The following GTPBP3 variants were observed in gnomAD, a reference collection of about 807,000 sequenced individuals.
GTPBP3 encodes the protein 5-taurinomethyluridine-[tRNA] synthase subunit GTPB3, mitochondrial.
GTPBP3 carries 35 observed loss-of-function variants against 42.0 expected under a neutral mutation model. That is an observed-to-expected ratio of 0.83 (90% CI 0.64 to 1.10). The LOEUF is 1.10. Ranked by LOEUF, GTPBP3 falls within the 50% of genes least tolerant of loss-of-function variation. The pLI, the probability that GTPBP3 is intolerant of heterozygous loss-of-function variation, is 0.00. For synonymous variants in GTPBP3, 332 were observed against 314.9 expected (o/e 1.05, Z -0.58); for missense variants, 691 against 685.2 (o/e 1.01, Z -0.09).
upstream of GTPBP3, chr19:17,336,797 TG>T (rs2074372433): frequency 6.6e-6 from 1 of 152,262 alleles, no homozygotes; most frequent in Non-Finnish European, 1.5e-5. Flanking sequence ...AGCCAGAGAC[TG>T]ACCGGACACT....
Position 17,338,560 on chromosome 19 carries a change from C to A in GTPBP3, c.410C>A (p.Pro137Gln). The change falls in exon 4 of 9, where the codon CCG becomes CAG. Residue 137 changes from proline to glutamine, a missense_variant. By Grantham distance (76) the Pro-to-Gln change is moderately conservative. Coordinates refer to ENST00000324894, the MANE Select transcript of GTPBP3 (RefSeq NM_032620.4). ...GCAGGCAGCGTGCCAGGGCTTCGAC[C>A]GGCGGAGGCAGGCGAGTTCACCAGA... ...QALGSVPGLR[P>Q]AEAGEFTRRA... 4 of 1,613,838 alleles carry A rather than the reference C, an allele frequency of 2.5e-6. No individual in the cohort carries two copies. The highest frequency in any genetic ancestry group is 1.7e-5 in the Admixed American group (1 of 60,004).
upstream of GTPBP3, chr19:17,336,897 G>A (rs1387359048): frequency 6.6e-6 from 1 of 152,298 alleles, no homozygotes; most frequent in Non-Finnish European, 1.5e-5. Flanking sequence ...GTTCCAGGAA[G>A]ACTTCCTGGA....
At chr19:17,340,897 C>T in intron 7 of GTPBP3, 147 bp from the exon 8 acceptor site, 10 of 788,280 alleles carry the variant, frequency 1.3e-5, no homozygotes, top group South Asian at 5.5e-5. Context: ...CAACATTCTG[C>T]CGGTCCCCTG....
Position 17,341,525 on chromosome 19 carries a change from A to T in GTPBP3, c.1301A>T (p.His434Leu), listed in dbSNP as rs749175397. Residue 434 changes from histidine (H) to leucine (L), a missense_variant, in exon 9 of 9, where the codon CAC becomes CTC. Physicochemically the swap from His to Leu is moderately conservative, Grantham distance 99. Transcript: ENST00000324894. ...TDPPLLTRAR[H>L]QHHLQGCLDA... ...CCCCCGCTGCTGACCCGAGCAAGGC[A>T]CCAGCACCACCTCCAGGGTTGCCTG... 6.2e-7 allele frequency: 1 copy of T among 1,613,582 alleles called. No individual in the cohort carries two copies. The highest frequency in any genetic ancestry group is 1.3e-5 in the African/African-American group (1 of 74,928).
At position 17,339,212 on chromosome 19, in the gene GTPBP3, G is replaced by C; in HGVS notation, c.754G>C (p.Val252Leu). The C allele has an allele frequency of 6.2e-7, 1 of 1,612,616 alleles. No individual in the cohort carries two copies. Among genetic ancestry groups the C allele is most frequent in the African/African-American group, 1.3e-5 (1 of 75,054 alleles). The change falls in exon 6 of 9, where the codon GTA becomes CTA. Residue 252 changes from valine to leucine, a missense_variant. Physicochemically the swap from Val to Leu is conservative, Grantham distance 32. Coordinates refer to ENST00000324894, the MANE Select transcript of GTPBP3 (RefSeq NM_032620.4). Reference sequence around the variant, plus strand: ...GCAGAGGCTCCGCTCAGGGGTGCACGTAGTGGTCACTGGACCCCCCAATGC... The same window carrying C: ...GCAGAGGCTCCGCTCAGGGGTGCACCTAGTGGTCACTGGACCCCCCAATGC... ...RGQRLRSGVH[V>L]VVTGPPNAGK...
rs752436956 is a variant in GTPBP3 at position 17,338,088 on chromosome 19, G to T, written c.134G>T (p.Arg45Leu). ...TIFALSSGQG[R>L]CGIAVIRTSG... ...TTCGCGCTAAGCTCTGGCCAAGGCCGCTGCGGCATCGCAGTGATCCGGACC... is the reference window on the plus strand; with the variant it reads ...TTCGCGCTAAGCTCTGGCCAAGGCCTCTGCGGCATCGCAGTGATCCGGACC... The change falls in exon 2 of 9, where the codon CGC becomes CTC. Residue 45 changes from arginine (R) to leucine (L), a missense_variant. Transcript: ENST00000324894. The T allele has an allele frequency of 4.4e-6, 7 of 1,597,332 alleles. No individual in the cohort carries two copies. The Middle Eastern group carries it at 8.3e-4, about 188-fold the overall frequency.
chr19:17,341,795 G>A lies in GTPBP3; in HGVS notation c.*92G>A. The stretch of plus-strand genomic sequence containing the variant: ...TTTAGGCCAATTGGGATTCTCATTC[G>A]CCTGGGAAAGAACTTGATTCTCAAA... On this transcript the variant is annotated 3_prime_UTR_variant, in exon 9 of 9. Coordinates refer to ENST00000324894, the MANE Select transcript of GTPBP3 (RefSeq NM_032620.4). The A allele has an allele frequency of 2.7e-6, 3 of 1,113,662 alleles. No individual in the cohort carries two copies. Among genetic ancestry groups the A allele is most frequent in the Non-Finnish European group, 2.6e-6 (2 of 779,528 alleles). The allele number at this position is 1,113,662 out of a possible 1,614,324, so 69.0% of individuals were successfully genotyped here.
rs557284141 is a variant in GTPBP3 at position 17,341,794 on chromosome 19, C to T, written c.*91C>T. ...GTTTAGGCCAATTGGGATTCTCATT[C>T]GCCTGGGAAAGAACTTGATTCTCAA... is the stretch of plus-strand genomic sequence containing the variant. On this transcript the variant is annotated 3_prime_UTR_variant, in exon 9 of 9. Coordinates refer to ENST00000324894, the MANE Select transcript of GTPBP3 (RefSeq NM_032620.4). 7.1e-6 allele frequency: 8 copies of T among 1,131,840 alleles called. No individual in the cohort carries two copies. Among genetic ancestry groups the T allele is most frequent in the South Asian group, 3.2e-5 (2 of 63,262 alleles). 70.1% of individuals were successfully genotyped at this position (1,131,840 alleles called of 1,614,324 possible). A position where few individuals can be genotyped will look rare whatever the true frequency, so the allele number is the denominator to read the frequency against.
chr19:17,335,316 A>G (rs574216258), upstream of GTPBP3, among the ~76,000 whole-genome samples: 9 of 152,346 alleles, frequency 5.9e-5, no homozygotes, highest in Admixed American at 6.5e-5. Context: ...GACTCCCTTC[A>G]GGATGTAACC....
chr19:17,337,772 G>T (rs2074380677), intron 1 of GTPBP3, 108 bp downstream of exon 1: 1 of 1,328,742 alleles, frequency 7.5e-7, no homozygotes, highest in Non-Finnish European at 1.0e-6. Flanking sequence ...AATCATTCGC[G>T]TTCTTCCGTG....
Position 17,338,745 on chromosome 19 carries a change from AGTCCCCCATTT to A in GTPBP3, c.591+9_591+19del, listed in dbSNP as rs1185689688. ...CTGGGCCGAGACCCTCACCAAAGCA[AGTCCCCCATTT>A]GTCCATTCTCTCCCTCAGAGACCCC... is the stretch of plus-strand genomic sequence containing the variant. On this transcript the variant is annotated splice_donor_5th_base_variant and intron_variant, in intron 4 of 8. Transcript: ENST00000324894. The A allele has an allele frequency of 6.2e-7, 1 of 1,603,030 alleles. No homozygotes were observed. Among genetic ancestry groups the A allele is most frequent in the Non-Finnish European group, 8.5e-7 (1 of 1,172,808 alleles).
chr19:17,337,957 A>G (rs2074383292), intron 1 of GTPBP3, 51 bp from the exon 2 acceptor site: 1 of 1,585,356 alleles, frequency 6.3e-7, no homozygotes, highest in Admixed American at 1.7e-5. Flanking sequence ...TCTACTTGAC[A>G]CTGAGGCTGA....
Position 17,337,895 on chromosome 19 carries a change from C to G in GTPBP3, c.54-113C>G, listed in dbSNP as rs974938665. On this transcript the variant is annotated intron_variant, in intron 1 of 8. Coordinates refer to ENST00000324894, the MANE Select transcript of GTPBP3 (RefSeq NM_032620.4). Reference sequence around the variant, plus strand: ...TCAGAACATCCAATTTGTGCATCCCCCAGCCGCAGAACCCCCCCACCTGGA... The same window carrying G: ...TCAGAACATCCAATTTGTGCATCCCGCAGCCGCAGAACCCCCCCACCTGGA... 4.3e-6 allele frequency: 6 copies of G among 1,404,930 alleles called. No individual in the cohort carries two copies. The African/African-American group carries it at 8.6e-5, about 20-fold the overall frequency. 87.0% of individuals were successfully genotyped at this position (1,404,930 alleles called of 1,614,324 possible). A position where few individuals can be genotyped will look rare whatever the true frequency, so the allele number is the denominator to read the frequency against.
At chr19:17,338,337 T>G (rs1430012184) in intron 2 of GTPBP3, 28 bp from the exon 3 acceptor site, 3 of 1,613,040 alleles carry the variant, frequency 1.9e-6, no homozygotes, top group Admixed American at 3.3e-5. Flanking sequence ...GGCTGTGCTG[T>G]CCTCCTGTCA....
At chr19:17,338,508 C>T (rs1315401303) in intron 3 of GTPBP3, 31 bp from the exon 4 acceptor site, 5 of 1,612,710 alleles carry the variant, frequency 3.1e-6, no homozygotes, top group Non-Finnish European at 4.2e-6. Flanking sequence ...GGGTGGGGAC[C>T]AGGGGGTGTC....
chr19:17,338,586 C>A lies in GTPBP3; in HGVS notation c.436C>A (p.Arg146=), dbSNP rs762627810. ...RPAEAGEFTR[R]AFANGKLNLT... ...GGCGGAGGCAGGCGAGTTCACCAGA[C>A]GGGCGTTCGCCAATGGGAAGCTGAA... Residue 146 remains arginine (R), a synonymous_variant, in exon 4 of 9, where the codon CGG becomes AGG. Coordinates refer to ENST00000324894, the MANE Select transcript of GTPBP3 (RefSeq NM_032620.4). 2.5e-6 allele frequency: 4 copies of A among 1,614,032 alleles called. No homozygotes were observed. In the South Asian group the frequency reaches 4.4e-5, roughly 18 times the overall value.
At chr19:17,337,487 A>G (rs2074377852), upstream of GTPBP3, 6 of 1,257,960 alleles carry the variant, frequency 4.8e-6, no homozygotes, top group African/African-American at 1.6e-5. Context: ...GTATCCTAAG[A>G]TACCCAATGG....
At chr19:17,335,510 A>T (rs1568364173), upstream of GTPBP3, among the ~76,000 whole-genome samples, 1 of 152,250 alleles carries the variant, frequency 6.6e-6, no homozygotes, top group East Asian at 1.9e-4. Context: ...CAGTGAGCTG[A>T]GATCACACCC....
In GTPBP3 at chr19:17,341,046, T is replaced by A. The variant is rs1457707327; in HGVS notation, c.977T>A (p.Leu326Gln). ...CTCAGTTGACCTTGCTCCCGCAGGC[T>A]AGAGCAGGCTGACCTCATTCTGGCC... ...QEGVRRARER[L>Q]EQADLILAML... Residue 326 changes from leucine to glutamine, a missense_variant and splice_region_variant, in exon 8 of 9, where the codon CTA becomes CAA. Coordinates refer to ENST00000324894, the MANE Select transcript of GTPBP3 (RefSeq NM_032620.4). The A allele has an allele frequency of 1.9e-6, 3 of 1,612,786 alleles. No individual in the cohort carries two copies. Among genetic ancestry groups the A allele is most frequent in the Non-Finnish European group, 1.7e-6 (2 of 1,179,300 alleles).
Sources: gnomAD v4.1 joint callset for allele counts (sites outside exome capture counted in the v4.1 genomes callset) on GRCh38, gnomAD v4.1.1 for gene constraint, MANE v1.5 for transcripts, NCBI Gene and HGNC (gene_info 2026-07-23, HGNC 2026-07-21) for gene names.